Variants in SH3BGR observed in about 807,000 individuals in gnomAD.
SH3BGR encodes the protein SH3 domain binding glutamate rich protein.
Under a neutral mutation model 24.5 loss-of-function variants are expected in SH3BGR, and 29 were observed. The observed-to-expected ratio is 1.18, with a 90% CI of 0.88 to 1.61. The LOEUF is 1.61. Among genes scored for constraint, SH3BGR ranks in the 40% most tolerant of loss-of-function variants. SH3BGR has a pLI of 0.00. For missense variants in SH3BGR, 162 were observed against 205.8 expected (o/e 0.79, Z 1.30); for synonymous variants, 55 against 65.7 (o/e 0.84, Z 0.79).
intron 3 of SH3BGR, chr21:39,488,646 G>C: frequency 2.8e-6 from 1 of 361,250 alleles, no homozygotes; most frequent in Non-Finnish European, 5.5e-6. Flanking sequence ...ACAAGGAAGA[G>C]AAGGGCACCA....
intron 3 of SH3BGR, among the ~76,000 whole-genome samples, chr21:39,490,515 G>A (rs2078281426): frequency 6.6e-6 from 1 of 151,924 alleles, no homozygotes; most frequent in Non-Finnish European, 1.5e-5. Context: ...ATATTATTAG[G>A]CACATTTGTA....
intron 3 of SH3BGR, among the ~76,000 whole-genome samples, chr21:39,494,741 AT>A (rs1321951341): frequency 6.6e-6 from 1 of 151,744 alleles, no homozygotes; most frequent in Non-Finnish European, 1.5e-5. Flanking sequence ...AATCTATATC[AT>A]TTACCAAATT....
intron 1 of SH3BGR, among the ~76,000 whole-genome samples, chr21:39,455,567 A>G (rs1166305382): frequency 6.6e-6 from 1 of 152,206 alleles, no homozygotes; most frequent in African/African-American, 2.4e-5. Flanking sequence ...CGCTGTGAGG[A>G]GCTGCACTTT....
chr21:39,479,198 T>C (rs1389354613), intron 3 of SH3BGR, among the ~76,000 whole-genome samples: 1 of 147,998 alleles, frequency 6.8e-6, no homozygotes, highest in Non-Finnish European at 1.5e-5. Flanking sequence ...AACGAGGCTA[T>C]GTGGTGGTGG....
intron 3 of SH3BGR, among the ~76,000 whole-genome samples, chr21:39,481,414 G>A (rs2078128932): frequency 6.6e-6 from 1 of 152,168 alleles, no homozygotes; most frequent in Non-Finnish European, 1.5e-5. Flanking sequence ...AGCATTAATA[G>A]ATGTCAAAGA....
At chr21:39,457,748 A>G (rs1049876063) in intron 1 of SH3BGR, among the ~76,000 whole-genome samples, 1 of 151,910 alleles carries the variant, frequency 6.6e-6, no homozygotes, top group African/African-American at 2.4e-5. Context: ...CCTGGGCAGC[A>G]TGGTGAAACT....
At chr21:39,490,527 T>C (rs1009013179) in intron 3 of SH3BGR, among the ~76,000 whole-genome samples, 1 of 152,222 alleles carries the variant, frequency 6.6e-6, no homozygotes, top group African/African-American at 2.4e-5. Flanking sequence ...ACATTTGTAT[T>C]TATAATTGTT....
chr21:39,511,744 G>GACA lies in SH3BGR; in HGVS notation c.501_502insCAA (p.Gly167_Glu168insGln). 1.2e-6 allele frequency: 2 copies of GACA among 1,606,422 alleles called. No individual in the cohort carries two copies. Among genetic ancestry groups the GACA allele is most frequent in the South Asian group, 2.2e-5 (2 of 90,878 alleles). On this transcript the variant is annotated inframe_insertion, in exon 6 of 7. Transcript: ENST00000333634. The surrounding 1 kb of genome is among the most constrained non-coding windows in gnomAD (Gnocchi z 4.2). ...GAGGAGGAGGAAGAAACTGCAGAAGGAGAAGAGCCTGGAGAAGACGAAGAT... is the reference window on the plus strand; with the variant it reads ...GAGGAGGAGGAAGAAACTGCAGAAGGACAAGAAGAGCCTGGAGAAGACGAAGAT...
intron 6 of SH3BGR, among the ~76,000 whole-genome samples, chr21:39,512,706 C>T (rs1196057850): frequency 6.6e-6 from 1 of 152,096 alleles, no homozygotes; most frequent in Admixed American, 6.6e-5. Flanking sequence ...GCCTGAAAAT[C>T]ACTTGAACCC....
At chr21:39,496,377 G>A (rs2078395580) in intron 3 of SH3BGR, among the ~76,000 whole-genome samples, 1 of 151,816 alleles carries the variant, frequency 6.6e-6, no homozygotes, top group Non-Finnish European at 1.5e-5. Context: ...GCGGGCACCT[G>A]TAGTCCCAGC....
At chr21:39,469,459 G>A (rs2077900042) in intron 2 of SH3BGR, among the ~76,000 whole-genome samples, 1 of 151,002 alleles carries the variant, frequency 6.6e-6, no homozygotes, top group Admixed American at 6.6e-5. Context: ...GCCCTTGCCT[G>A]TATCATTTTT....
In SH3BGR at chr21:39,484,293, G is replaced by A. The variant is rs375929748; in HGVS notation, c.312+9078G>A. ...CAGAGCCAAATACAGCTCATAACTC[G>A]TAGTAGGTGTTCACCTCTGAAATTC... is the stretch of plus-strand genomic sequence containing the variant. On this transcript the variant is annotated intron_variant, in intron 3 of 6. Transcript: ENST00000333634. Among the ~76,000 whole-genome samples, 148 of 152,268 alleles carry A rather than the reference G, an allele frequency of 9.7e-4. 1 individual carries two copies. Among genetic ancestry groups the A allele is most frequent in the African/African-American group, 3.5e-3 (147 of 41,554 alleles).
intron 3 of SH3BGR, among the ~76,000 whole-genome samples, chr21:39,499,371 A>C (rs1303937673): frequency 1.3e-5 from 2 of 151,362 alleles, no homozygotes; most frequent in African/African-American, 2.4e-5. Context: ...CCATCCATCT[A>C]TCCATCCATC....
chr21:39,506,394 A>G (rs1256059199), intron 4 of SH3BGR, among the ~76,000 whole-genome samples: 2 of 152,226 alleles, frequency 1.3e-5, no homozygotes, highest in Non-Finnish European at 2.9e-5. Flanking sequence ...AGGGGTACAC[A>G]GAGCCAGATG....
At chr21:39,462,587 C>T (rs760359523) in intron 2 of SH3BGR, 27 bp downstream of exon 2, 2 of 1,470,762 alleles carry the variant, frequency 1.4e-6, no homozygotes. Context: ...ATTAAAAATC[C>T]TGCTGTGTGT....
chr21:39,453,903 A>G (rs556568830), intron 1 of SH3BGR, among the ~76,000 whole-genome samples: 1 of 152,350 alleles, frequency 6.6e-6, no homozygotes, highest in South Asian at 2.1e-4. Context: ...AATGTTATTT[A>G]TACTTACTAG....
At chr21:39,496,457 G>A (rs1422722643) in intron 3 of SH3BGR, among the ~76,000 whole-genome samples, 7 of 143,432 alleles carry the variant, frequency 4.9e-5, no homozygotes, top group South Asian at 2.2e-4. Context: ...CCGAGATTGC[G>A]CCACCGCAGT....
intron 1 of SH3BGR, among the ~76,000 whole-genome samples, chr21:39,461,303 A>C (rs1293104541): frequency 6.6e-6 from 1 of 151,920 alleles, no homozygotes; most frequent in Non-Finnish European, 1.5e-5. Context: ...ACGCCTGGCT[A>C]ATTTTGTATT....
chr21:39,504,305 C>T (rs922713563), intron 4 of SH3BGR, among the ~76,000 whole-genome samples: 1 of 152,156 alleles, frequency 6.6e-6, no homozygotes, highest in Non-Finnish European at 1.5e-5. Flanking sequence ...GCCTGGGTCC[C>T]TGGAGTGCCT....
Sources: gnomAD v4.1 joint callset for allele counts (sites outside exome capture counted in the v4.1 genomes callset) on GRCh38, gnomAD v4.1.1 for gene constraint, Gnocchi (gnomAD v3.1) non-coding constraint, MANE v1.5 for transcripts, NCBI Gene and HGNC (gene_info 2026-07-23, HGNC 2026-07-21) for gene names.